Variants in ACTR3C observed in about 807,000 individuals in gnomAD.
ACTR3C encodes the protein actin related protein 3C.
A neutral mutation model predicts 26.3 loss-of-function variants in ACTR3C; 18 were observed. That is an observed-to-expected ratio of 0.68 (90% CI 0.47 to 1.01). The LOEUF (loss-of-function observed/expected upper bound fraction) is 1.01, where lower values mean the gene tolerates loss of function less well. Ranked by LOEUF, ACTR3C falls within the 50% of genes least tolerant of loss-of-function variation. The probability of loss-of-function intolerance (pLI) is 0.00; values close to 1 mark genes in which losing one functional copy is unlikely to be tolerated. For missense variants in ACTR3C, 184 were observed against 250.7 expected (o/e 0.73, Z 1.80); for synonymous variants, 55 against 94.5 (o/e 0.58, Z 2.42).
chr7:150,165,250 C>T, the ACTR3C span, among the ~76,000 whole-genome samples: 1 of 151,996 alleles, frequency 6.6e-6, no homozygotes, highest in Non-Finnish European at 1.5e-5. Context: ...GTGAATTTTC[C>T]CCTCTGTTTG....
Position 150,265,701 on chromosome 7 carries a change from T to C in ACTR3C, c.565-16647A>G, listed in dbSNP as rs554161516. Among the ~76,000 whole-genome samples, 34 of 152,218 alleles carry C rather than the reference T, an allele frequency of 2.2e-4. No individual in the cohort carries two copies. In the East Asian group the frequency reaches 6.4e-3, roughly 29 times the overall value. On this transcript the variant is annotated intron_variant, in intron 6 of 7. Coordinates refer to ENST00000683684, the MANE Select transcript of ACTR3C (RefSeq NM_001164458.2). ...TCCATCTCAAAAACATAAAAATAAA[T>C]AATTTTTTAATTTAGAAAGAATTTC...
the ACTR3C span, among the ~76,000 whole-genome samples, chr7:150,065,649 G>A: frequency 6.6e-6 from 1 of 151,776 alleles, no homozygotes; most frequent in Admixed American, 6.6e-5. Flanking sequence ...AGGGTCGGAT[G>A]GGGAGAATGC....
chr7:150,165,045 A>C, the ACTR3C span, among the ~76,000 whole-genome samples: 4 of 152,226 alleles, frequency 2.6e-5, no homozygotes, highest in African/African-American at 9.7e-5. Flanking sequence ...CAACGTGCAG[A>C]AATGGCATTT....
downstream of ACTR3C, among the ~76,000 whole-genome samples, chr7:150,239,029 CTTGTTTTTTCCTTACTGGT>C (rs1442942539): frequency 6.6e-6 from 1 of 151,954 alleles, no homozygotes; most frequent in Non-Finnish European, 1.5e-5. Context: ...CAATATTCCA[CTTGTTTTTTCCTTACTGGT>C]TTGTTTTCAT....
the ACTR3C span, among the ~76,000 whole-genome samples, chr7:150,197,848 C>CT: frequency 9.2e-6 from 1 of 109,076 alleles, no homozygotes. Context: ...AACATAGTCC[C>CT]TCTCCCCTCT....
chr7:150,037,887 G>A, the ACTR3C span, among the ~76,000 whole-genome samples: 352 of 119,440 alleles, frequency 2.9e-3, 3 homozygotes, highest in Middle Eastern at 0.013. Context: ...AGCAAAGGGG[G>A]GAAGAGGGGC....
At chr7:150,134,311 C>T in the ACTR3C span, among the ~76,000 whole-genome samples, 12 of 150,408 alleles carry the variant, frequency 8.0e-5, no homozygotes, top group South Asian at 1.5e-3. Flanking sequence ...GGAAGATGAA[C>T]GGGAGAAGGG....
At chr7:150,263,290 T>C (rs1383022297) in intron 6 of ACTR3C, among the ~76,000 whole-genome samples, 4 of 152,232 alleles carry the variant, frequency 2.6e-5, no homozygotes, top group African/African-American at 7.2e-5. Flanking sequence ...TGTTCTCTTA[T>C]CTGGAGACCT....
the ACTR3C span, among the ~76,000 whole-genome samples, chr7:150,161,300 G>A: frequency 6.8e-6 from 1 of 147,488 alleles, no homozygotes; most frequent in African/African-American, 2.6e-5. Flanking sequence ...GTGCCATGTT[G>A]GTGTGCTGCA....
At chr7:150,148,974 A>G in the ACTR3C span, among the ~76,000 whole-genome samples, 1 of 129,362 alleles carries the variant, frequency 7.7e-6, no homozygotes, top group Non-Finnish European at 1.7e-5. Context: ...CGCTGTCTCC[A>G]GCCCATCAGT....
the ACTR3C span, among the ~76,000 whole-genome samples, chr7:150,092,296 G>A: frequency 1.4e-5 from 2 of 148,000 alleles, no homozygotes; most frequent in African/African-American, 2.5e-5. Flanking sequence ...ATATCTTGTA[G>A]TGGAAAAAGT....
chr7:150,013,735 C>G, the ACTR3C span, among the ~76,000 whole-genome samples: 1 of 152,180 alleles, frequency 6.6e-6, no homozygotes, highest in Non-Finnish European at 1.5e-5. Flanking sequence ...AGACCTCAGT[C>G]ATGCTGAAGA....
chr7:150,200,999 A>G, the ACTR3C span, among the ~76,000 whole-genome samples: 1 of 152,214 alleles, frequency 6.6e-6, no homozygotes, highest in African/African-American at 2.4e-5. Flanking sequence ...TTTAAACTCT[A>G]TCTTCATATT....
chr7:150,199,626 A>T, the ACTR3C span, among the ~76,000 whole-genome samples: 3 of 133,374 alleles, frequency 2.2e-5, no homozygotes, highest in South Asian at 2.2e-4. Context: ...TAAAAAAAAA[A>T]AATAAATAAA....
At chr7:150,191,417 AC>A in the ACTR3C span, among the ~76,000 whole-genome samples, 2 of 152,354 alleles carry the variant, frequency 1.3e-5, no homozygotes, top group African/African-American at 4.8e-5. Flanking sequence ...ATTTCAGCAT[AC>A]ATACAGATCC....
chr7:150,098,582 A>G, the ACTR3C span, among the ~76,000 whole-genome samples: 1 of 151,744 alleles, frequency 6.6e-6, no homozygotes, highest in East Asian at 1.9e-4. Context: ...GTTTACTTAA[A>G]GTGCTTTTTG....
chr7:149,907,478 T>TTCTCTTCTCTCTCTTTCTCTCTCTC, the ACTR3C span, among the ~76,000 whole-genome samples: 1 of 97,606 alleles, frequency 1.0e-5, no homozygotes, highest in Non-Finnish European at 2.1e-5. Flanking sequence ...CTCTCTTCTC[T>TTCTCTTCTCTCTCTTTCTCTCTCTC]TCTCTCTCTC....
the ACTR3C span, among the ~76,000 whole-genome samples, chr7:150,079,732 CAT>C: frequency 6.6e-6 from 1 of 152,178 alleles, no homozygotes; most frequent in African/African-American, 2.4e-5. Context: ...TGATTTTTCA[CAT>C]GTCTACCCAT....
the ACTR3C span, among the ~76,000 whole-genome samples, chr7:149,946,111 C>A: frequency 1.3e-5 from 2 of 152,150 alleles, no homozygotes; most frequent in Non-Finnish European, 2.9e-5. Context: ...TCAGAGTCCG[C>A]GTCTGCATGA....
Sources: allele counts gnomAD v4.1 joint callset (sites outside exome capture counted in the v4.1 genomes callset), GRCh38; gene constraint gnomAD v4.1.1; transcripts MANE v1.5; gene names NCBI Gene and HGNC (gene_info 2026-07-23, HGNC 2026-07-21).